Variants in GCNT1 observed in about 807,000 individuals in gnomAD.
The protein encoded by GCNT1 is glucosaminyl (N-acetyl) transferase 1.
In GCNT1, 16 loss-of-function variants were observed where a neutral mutation model predicts 26.2. The ratio of observed to expected loss-of-function variants is 0.61; its 90% CI spans 0.41 to 0.93. The LOEUF is 0.93. Among genes scored for constraint, GCNT1 ranks in the 40% least tolerant of loss-of-function variants. The pLI is 0.00. For missense variants in GCNT1, 477 were observed against 526.7 expected (o/e 0.91, Z 0.92); for synonymous variants, 183 against 190.8 (o/e 0.96, Z 0.34).
At chr9:76,462,263 A>C (rs1823887791) in intron 2 of GCNT1, among the ~76,000 whole-genome samples, 1 of 152,218 alleles carries the variant, frequency 6.6e-6, no homozygotes, top group East Asian at 1.9e-4. Context: ...TGTCTTAAAA[A>C]GGGAGTTCCC....
At chr9:76,456,788 C>T (rs1405506331), upstream of GCNT1, among the ~76,000 whole-genome samples, 4 of 152,114 alleles carry the variant, frequency 2.6e-5, no homozygotes, top group Non-Finnish European at 5.9e-5. Context: ...GCCTGGGCAA[C>T]ATGGTGAAAC....
At chr9:76,461,755 G>A (rs929562210) in intron 2 of GCNT1, among the ~76,000 whole-genome samples, 2 of 151,786 alleles carry the variant, frequency 1.3e-5, no homozygotes, top group African/African-American at 2.4e-5. Flanking sequence ...CAGGTGTGGT[G>A]GTGGGCACCT....
chr9:76,436,484 C>T (rs1259254617), intron 1 of GCNT1, among the ~76,000 whole-genome samples: 1 of 151,138 alleles, frequency 6.6e-6, no homozygotes, highest in Admixed American at 6.6e-5. Flanking sequence ...CCCAAGTACT[C>T]CAGAGGCTGA....
At chr9:76,402,727 T>C in the GCNT1 span, among the ~76,000 whole-genome samples, 1 of 151,212 alleles carries the variant, frequency 6.6e-6, no homozygotes, top group Non-Finnish European at 1.5e-5. Flanking sequence ...TTGCCCAGGC[T>C]GGAGTACAAT....
intron 2 of GCNT1, among the ~76,000 whole-genome samples, chr9:76,480,122 C>T (rs1348176774): frequency 6.6e-6 from 1 of 152,154 alleles, no homozygotes; most frequent in Admixed American, 6.5e-5. Context: ...ATCCTTTCCC[C>T]ATTTCTTGTT....
intron 2 of GCNT1, among the ~76,000 whole-genome samples, chr9:76,478,530 GGTGA>G (rs1487075210): frequency 2.0e-5 from 3 of 152,250 alleles, no homozygotes; most frequent in South Asian, 2.1e-4. Flanking sequence ...CTTCATTCTT[GGTGA>G]GTAAGACCCA....
Position 76,503,626 on chromosome 9 carries a change from T to C in GCNT1, c.1245T>C (p.Asp415=), listed in dbSNP as rs765367343. The part of the protein sequence containing the change: ...DVDLFAIQCL[D]EHLRHKALET... Reference sequence around the variant, plus strand: ...ACCTCTTTGCCATCCAGTGTTTGGATGAGCATTTGAGACACAAAGCTTTGG... The same window carrying C: ...ACCTCTTTGCCATCCAGTGTTTGGACGAGCATTTGAGACACAAAGCTTTGG... The change falls in exon 4 of 4, where the codon GAT becomes GAC. Residue 415 remains aspartate, a synonymous_variant. Transcript: ENST00000376730. The C allele has an allele frequency of 6.2e-7, 1 of 1,613,976 alleles. No homozygotes were observed. Among genetic ancestry groups the C allele is most frequent in the African/African-American group, 1.3e-5 (1 of 74,938 alleles).
chr9:76,394,286 T>C, the GCNT1 span: 1 of 1,043,290 alleles, frequency 9.6e-7, no homozygotes, highest in Admixed American at 3.0e-5. Flanking sequence ...GAGCTCTGCC[T>C]GCCGCGGGGG....
chr9:76,481,408 G>T (rs1475354859), intron 2 of GCNT1, among the ~76,000 whole-genome samples: 1 of 141,682 alleles, frequency 7.1e-6, no homozygotes, highest in African/African-American at 2.9e-5. Context: ...GATTTTTTTT[G>T]TGATTTTTTT....
At chr9:76,462,914 T>TTA (rs1477646950) in intron 2 of GCNT1, among the ~76,000 whole-genome samples, 3 of 152,220 alleles carry the variant, frequency 2.0e-5, no homozygotes, top group Non-Finnish European at 4.4e-5. Flanking sequence ...GTTTAAAAAG[T>TTA]TGAAAATGAA....
chr9:76,407,065 C>T, the GCNT1 span, among the ~76,000 whole-genome samples: 1 of 151,878 alleles, frequency 6.6e-6, no homozygotes, highest in African/African-American at 2.4e-5. Flanking sequence ...AAAGTCATTC[C>T]CATACACAAG....
intron 1 of GCNT1, among the ~76,000 whole-genome samples, chr9:76,422,303 A>G (rs1391065064): frequency 6.6e-6 from 1 of 152,132 alleles, no homozygotes; most frequent in African/African-American, 2.4e-5. Context: ...TCCTGAGCTC[A>G]AGAGATCCAC....
chr9:76,496,876 G>A (rs532896866), intron 2 of GCNT1, among the ~76,000 whole-genome samples: 7 of 152,180 alleles, frequency 4.6e-5, no homozygotes, highest in African/African-American at 1.7e-4. Flanking sequence ...ATATAGGGTA[G>A]TGTCCTCAAG....
chr9:76,406,174 T>C, the GCNT1 span, among the ~76,000 whole-genome samples: 2 of 152,270 alleles, frequency 1.3e-5, no homozygotes, highest in East Asian at 1.9e-4. Context: ...CTGTATATCA[T>C]CTTTGGTGAA....
At chr9:76,471,508 A>C (rs1824131193) in intron 2 of GCNT1, among the ~76,000 whole-genome samples, 1 of 152,226 alleles carries the variant, frequency 6.6e-6, no homozygotes, top group Non-Finnish European at 1.5e-5. Flanking sequence ...TCTCACTGCT[A>C]TGCAGAAGTG....
chr9:76,401,361 A>C, the GCNT1 span, among the ~76,000 whole-genome samples: 26 of 152,292 alleles, frequency 1.7e-4, no homozygotes, highest in African/African-American at 6.0e-4. Context: ...GAAATCCTGG[A>C]ATTAAGCCAT....
At chr9:76,416,613 C>T (rs761989015), upstream of GCNT1, among the ~76,000 whole-genome samples, 11 of 152,192 alleles carry the variant, frequency 7.2e-5, no homozygotes, top group South Asian at 2.1e-4. Flanking sequence ...GCTGAGTAAG[C>T]GAACCACACC....
intron 2 of GCNT1, among the ~76,000 whole-genome samples, chr9:76,469,907 T>G (rs1824093762): frequency 6.6e-6 from 1 of 152,124 alleles, no homozygotes; most frequent in South Asian, 2.1e-4. Context: ...GAACCCCAGG[T>G]CAGAGAACAT....
intron 2 of GCNT1, among the ~76,000 whole-genome samples, chr9:76,478,142 T>G (rs963297175): frequency 6.6e-6 from 1 of 152,214 alleles, no homozygotes. Flanking sequence ...GAATAAAAGC[T>G]GGCCATCCCA....
Sources: allele counts gnomAD v4.1 joint callset (sites outside exome capture counted in the v4.1 genomes callset), GRCh38; gene constraint gnomAD v4.1.1; transcripts MANE v1.5; gene names NCBI Gene and HGNC (gene_info 2026-07-23, HGNC 2026-07-21).